CPSF2: variants seen among roughly 807,000 people sequenced by gnomAD.
CPSF2 encodes cleavage and polyadenylation specific factor 2.
CPSF2 carries 51 observed loss-of-function variants against 84.2 expected under a neutral mutation model. The ratio of observed to expected loss-of-function variants is 0.61; its 90% CI spans 0.48 to 0.77. The LOEUF (loss-of-function observed/expected upper bound fraction) is 0.77. CPSF2 is among the 30% of genes least tolerant of loss of function. CPSF2 has a pLI of 0.00. For missense variants in CPSF2, 641 were observed against 929.4 expected (o/e 0.69, Z 4.03); for synonymous variants, 286 against 311.9 (o/e 0.92, Z 0.87).
chr14:92,139,950 A>ATT (rs34354391), intron 7 of CPSF2, among the ~76,000 whole-genome samples: 18,093 of 97,026 alleles, frequency 0.19, 2,806 homozygotes, highest in East Asian at 0.37. Flanking sequence ...AAGTACAACT[A>ATT]TTTTTTTTTT....
In CPSF2 at chr14:92,135,428, A is replaced by G; in HGVS notation, c.477A>G (p.Ile159Met). 1 of 1,613,864 alleles carries G rather than the reference A, an allele frequency of 6.2e-7. No individual in the cohort carries two copies. Among genetic ancestry groups the G allele is most frequent in the South Asian group, 1.1e-5 (1 of 91,054 alleles). Residue 159 changes from isoleucine (I) to methionine (M), a missense_variant, in exon 6 of 16, where the codon ATA becomes ATG. Ile to Met is a conservative substitution (Grantham distance 10). Transcript: ENST00000298875. ...LPAGHMIGGT[I>M]WKIVKDGEEE... is the part of the protein sequence containing the mutation. ...CTGGTCATATGATAGGTGGAACAAT[A>G]TGGAAAATAGTCAAAGATGGAGAAG...
At chr14:92,142,020 A>T in intron 7 of CPSF2, 144 bp from the exon 8 acceptor site, 5 of 567,300 alleles carry the variant, frequency 8.8e-6, no homozygotes, top group African/African-American at 1.9e-5. Context: ...ACCTGAACAA[A>T]ATTCCTTCAT....
rs1404120136 is a variant in CPSF2 at position 92,162,457 on chromosome 14, A to G, written c.*713A>G. On this transcript the variant is annotated 3_prime_UTR_variant, in exon 16 of 16. Transcript: ENST00000298875. Reference sequence around the variant, plus strand: ...TCAAAAGAACTACTTGATGCAGTATAGTCTTAAGGGTTCTGCATACATTTT... The same window carrying G: ...TCAAAAGAACTACTTGATGCAGTATGGTCTTAAGGGTTCTGCATACATTTT... 6.6e-6 allele frequency: 1 copy of G among 152,526 alleles called. No individual in the cohort carries two copies. Among genetic ancestry groups the G allele is most frequent in the African/African-American group, 2.4e-5 (1 of 41,470 alleles). 9.4% of individuals were successfully genotyped at this position (152,526 alleles called of 1,614,324 possible).
intron 9 of CPSF2, among the ~76,000 whole-genome samples, chr14:92,144,810 C>T (rs2069122630): frequency 1.3e-5 from 2 of 152,178 alleles, no homozygotes; most frequent in Non-Finnish European, 2.9e-5. Context: ...AATTGTATAT[C>T]TTCTTTCTCC....
rs1355833653 is a variant in CPSF2 at position 92,162,008 on chromosome 14, T to G, written c.*264T>G. On this transcript the variant is annotated 3_prime_UTR_variant, in exon 16 of 16. Coordinates refer to ENST00000298875, the MANE Select transcript of CPSF2 (RefSeq NM_017437.3). ...AAGGTGATTGGTTTTCTTTACAGAC[T>G]CCTTGTTCTCTAGAAGGGCTTTTTA... is the stretch of plus-strand genomic sequence containing the variant. 2.3e-5 allele frequency: 6 copies of G among 259,808 alleles called. No individual in the cohort carries two copies. The highest frequency in any genetic ancestry group is 2.3e-4 in the South Asian group (2 of 8,662). 16.1% of individuals were successfully genotyped at this position (259,808 alleles called of 1,614,324 possible).
intron 14 of CPSF2, among the ~76,000 whole-genome samples, chr14:92,160,766 A>G (rs960272548): frequency 6.6e-5 from 10 of 152,172 alleles, no homozygotes; most frequent in Non-Finnish European, 1.2e-4. Context: ...TAGAAAATGA[A>G]TTTTTGGTTC....
rs2069102388 is a variant in CPSF2, at chr14:92,143,264, T to G, written c.1110T>G (p.Asp370Glu). The G allele has an allele frequency of 6.2e-7, 1 of 1,608,768 alleles. No individual in the cohort carries two copies. The change falls in exon 9 of 16, where the codon GAT becomes GAG. Residue 370 changes from aspartate (D) to glutamate (E), a missense_variant. Asp to Glu is a conservative substitution (Grantham distance 45, BLOSUM62 2). Transcript: ENST00000298875. ...TPGTLARFLI[D>E]NPSEKITEIE... ...GGACTTTAGCACGTTTCCTAATTGA[T>G]AATCCTTCTGAAAAAATTACAGAAA...
intron 14 of CPSF2, among the ~76,000 whole-genome samples, chr14:92,160,672 A>G (rs1300950251): frequency 6.6e-6 from 1 of 152,258 alleles, no homozygotes; most frequent in Non-Finnish European, 1.5e-5. Context: ...TATGGCATCC[A>G]TTACATTTGC....
intron 9 of CPSF2, among the ~76,000 whole-genome samples, chr14:92,151,000 A>G (rs2069208134): frequency 6.6e-6 from 1 of 152,252 alleles, no homozygotes; most frequent in African/African-American, 2.4e-5. Context: ...AATATTGTCA[A>G]CATTTGTAAG....
In CPSF2 at chr14:92,167,699, A is replaced by G. The variant is rs747354855; in HGVS notation, c.*5955A>G. 4 of 152,200 alleles carry G rather than the reference A, an allele frequency of 2.6e-5. No homozygotes were observed. Among genetic ancestry groups the G allele is most frequent in the African/African-American group, 9.7e-5 (4 of 41,450 alleles). 9.4% of individuals were successfully genotyped at this position (152,200 alleles called of 1,614,324 possible). On this transcript the variant is annotated 3_prime_UTR_variant, in exon 16 of 16. Coordinates refer to ENST00000298875, the MANE Select transcript of CPSF2 (RefSeq NM_017437.3). ...CATGCTGAGAAATAGATTGATTTCTATTCTATACTGTGTCCAGTAAAGGTC... is the reference window on the plus strand; with the variant it reads ...CATGCTGAGAAATAGATTGATTTCTGTTCTATACTGTGTCCAGTAAAGGTC...
At position 92,131,033 on chromosome 14, in the gene CPSF2, T is replaced by A. The variant is rs2068919140; in HGVS notation, c.49T>A (p.Ser17Thr). The A allele has an allele frequency of 6.2e-7, 1 of 1,612,904 alleles. No homozygotes were observed. The highest frequency in any genetic ancestry group is 1.3e-5 in the African/African-American group (1 of 74,912). ...TACCCTTTCTGGGGTCCAAGAAGAATCTGCCCTTTGCTATCTTCTCCAAGT... is the reference window on the plus strand; with the variant it reads ...TACCCTTTCTGGGGTCCAAGAAGAAACTGCCCTTTGCTATCTTCTCCAAGT... ...LTTLSGVQEE[S>T]ALCYLLQVDE... The change falls in exon 3 of 16, where the codon TCT becomes ACT. Residue 17 changes from serine (S) to threonine (T), a missense_variant. By Grantham distance (58) the Ser-to-Thr change is moderately conservative (BLOSUM62 1). Transcript: ENST00000298875.
chr14:92,154,586 C>G, intron 10 of CPSF2, 128 bp downstream of exon 10: 1 of 607,362 alleles, frequency 1.6e-6, no homozygotes, highest in Non-Finnish European at 2.9e-6. Context: ...AGACATCTTT[C>G]AAATGTCTAG....
intron 14 of CPSF2, among the ~76,000 whole-genome samples, chr14:92,159,761 G>A (rs2069344315): frequency 6.6e-6 from 1 of 152,004 alleles, no homozygotes; most frequent in South Asian, 2.1e-4. Context: ...GCTTCTGTGT[G>A]TATGTCTCTG....
intron 9 of CPSF2, among the ~76,000 whole-genome samples, chr14:92,149,230 T>TG (rs1159449030): frequency 6.6e-6 from 1 of 152,174 alleles, no homozygotes. Context: ...TAGTAGCCAC[T>TG]GCATTTTTCA....
In CPSF2 at chr14:92,146,480, C is replaced by T. The variant is rs1250990106; in HGVS notation, c.1140+3186C>T. Reference sequence around the variant, plus strand: ...AGATTGCAGTGAGCCAGGATCGCGCCACTGCACTCCAACCTGGGTGACAGA... The same window carrying T: ...AGATTGCAGTGAGCCAGGATCGCGCTACTGCACTCCAACCTGGGTGACAGA... On this transcript the variant is annotated intron_variant, in intron 9 of 15. Coordinates refer to ENST00000298875, the MANE Select transcript of CPSF2 (RefSeq NM_017437.3). 5.3e-5 allele frequency among the ~76,000 whole-genome samples: 8 copies of T among 152,172 alleles called. No individual in the cohort carries two copies. The South Asian group carries it at 1.4e-3, about 28-fold the overall frequency.
chr14:92,126,876 G>T (rs1306145718), intron 2 of CPSF2, among the ~76,000 whole-genome samples: 1 of 152,110 alleles, frequency 6.6e-6, no homozygotes, highest in Non-Finnish European at 1.5e-5. Context: ...ACCACTATGT[G>T]CAGGGATGTG....
In CPSF2 at chr14:92,157,994, C is replaced by T. The variant is rs2069313459; in HGVS notation, c.1821+110C>T. 2.7e-6 allele frequency: 2 copies of T among 744,500 alleles called. No homozygotes were observed. The highest frequency in any genetic ancestry group is 4.6e-6 in the Non-Finnish European group (2 of 431,486). The allele number at this position is 744,500 out of a possible 1,614,324, so 46.1% of individuals were successfully genotyped here. On this transcript the variant is annotated intron_variant, in intron 13 of 15. Transcript: ENST00000298875. This position sits in a 1 kb window ranked among gnomAD's most constrained non-coding sequence, Gnocchi z 4.0. Reference sequence around the variant, plus strand: ...GTGTGAGACAGACATGGATGGTCTCCTGCCCTAGCAGACCTCATAGGGTAT... The same window carrying T: ...GTGTGAGACAGACATGGATGGTCTCTTGCCCTAGCAGACCTCATAGGGTAT...
intron 1 of CPSF2, 59 bp downstream of exon 1, chr14:92,122,187 C>T (rs569760200): frequency 4.0e-5 from 13 of 328,658 alleles, no homozygotes; most frequent in Admixed American, 3.6e-4. Flanking sequence ...CGTCATTGGC[C>T]CTCCGGGAGC....
Position 92,169,804 on chromosome 14 carries a change from A to G in CPSF2, c.*8060A>G, listed in dbSNP as rs1388670616. ...ATTCTATTGAATACTTTTACCTAAG[A>G]TAATGAAACCGTTAAGTAGAGATTT... is the stretch of plus-strand genomic sequence containing the variant. On this transcript the variant is annotated 3_prime_UTR_variant, in exon 16 of 16. Transcript: ENST00000298875. 1 of 152,094 alleles carries G rather than the reference A, an allele frequency of 6.6e-6. No homozygotes were observed. The highest frequency in any genetic ancestry group is 1.5e-5 in the Non-Finnish European group (1 of 68,014). The allele number at this position is 152,094 out of a possible 1,614,324, so 9.4% of individuals were successfully genotyped here. A position where few individuals can be genotyped will look rare whatever the true frequency, so the allele number is the denominator to read the frequency against.
Sources: gnomAD v4.1 joint callset for allele counts (sites outside exome capture counted in the v4.1 genomes callset) on GRCh38, gnomAD v4.1.1 for gene constraint, Gnocchi (gnomAD v3.1) non-coding constraint, MANE v1.5 for transcripts, NCBI Gene and HGNC (gene_info 2026-07-23, HGNC 2026-07-21) for gene names.